The following KRT8 variants were observed in gnomAD, a reference collection of about 807,000 sequenced individuals.
KRT8 encodes the protein keratin, type II cytoskeletal 8.
KRT8 carries 24 observed loss-of-function variants against 43.0 expected under a neutral mutation model. The ratio of observed to expected loss-of-function variants is 0.56; its 90% CI spans 0.40 to 0.78. KRT8 has a LOEUF of 0.78. Ranked by LOEUF, KRT8 falls within the 30% of genes least tolerant of loss-of-function variation. The pLI is 0.00. For synonymous variants in KRT8, 214 were observed against 261.2 expected (o/e 0.82, Z 1.74); for missense variants, 492 against 638.4 (o/e 0.77, Z 2.47).
chr12:52,898,797 G>A (rs749061470), exon 6 of KRT8: 23 of 1,614,094 alleles, frequency 1.4e-5, no homozygotes, highest in Middle Eastern at 3.3e-4. Context: ...TGCTTGGCCC[G>A]CTGCAGGGCG....
At chr12:52,904,619 G>A (rs1941464610) in intron 1 of KRT8, 39 bp downstream of exon 1, 1 of 1,576,932 alleles carries the variant, frequency 6.3e-7, no homozygotes, top group Non-Finnish European at 8.7e-7. Context: ...AGGAGAAAGG[G>A]GCTGCGGGCA....
At chr12:52,903,848 C>T (rs1941438255) in intron 1 of KRT8, among the ~76,000 whole-genome samples, 1 of 130,090 alleles carries the variant, frequency 7.7e-6, no homozygotes, top group South Asian at 2.5e-4. Context: ...GCCTCCTCCA[C>T]CCCACCCCAG....
intron 7 of KRT8, among the ~76,000 whole-genome samples, chr12:52,898,061 G>A (rs1230944506): frequency 6.6e-6 from 1 of 152,184 alleles, no homozygotes; most frequent in East Asian, 1.9e-4. Context: ...CTACTTGGGA[G>A]GCCTGAGGCA....
At chr12:52,899,259 G>A (rs1423434864) in intron 5 of KRT8, among the ~76,000 whole-genome samples, 2 of 152,126 alleles carry the variant, frequency 1.3e-5, no homozygotes, top group East Asian at 3.9e-4. Flanking sequence ...AGCTTGCAGT[G>A]AGCCGAGATC....
chr12:52,916,140 G>C (rs1941735865), intron 2 of KRT8, among the ~76,000 whole-genome samples: 1 of 152,168 alleles, frequency 6.6e-6, no homozygotes, highest in Non-Finnish European at 1.5e-5. Context: ...AGGCCAGACA[G>C]AGCTTTTTCT....
At chr12:52,916,615 G>T (rs562249409) in intron 2 of KRT8, among the ~76,000 whole-genome samples, 18 of 152,294 alleles carry the variant, frequency 1.2e-4, no homozygotes, top group African/African-American at 4.1e-4. Flanking sequence ...CAGAGTAGAT[G>T]CTCCAGAGTA....
rs780525358 is a variant in KRT8 at position 52,898,446 on chromosome 12, C to A, written c.1261+15G>T. 3.1e-6 allele frequency: 5 copies of A among 1,611,754 alleles called. No homozygotes were observed. The highest frequency in any genetic ancestry group is 4.2e-6 in the Non-Finnish European group (5 of 1,179,092). On this transcript the variant is annotated intron_variant, in intron 7 of 7. Coordinates refer to ENST00000692008, the Ensembl canonical transcript of KRT8. Reference sequence around the variant, plus strand: ...CCTGCCTCCCGCCCTCATCCCAGGGCCCTGGGACACCCACCTGCATAGCCG... The same window carrying A: ...CCTGCCTCCCGCCCTCATCCCAGGGACCTGGGACACCCACCTGCATAGCCG...
chr12:52,899,212 G>A (rs1471443719), intron 5 of KRT8, among the ~76,000 whole-genome samples: 2 of 152,182 alleles, frequency 1.3e-5, no homozygotes, highest in Admixed American at 6.5e-5. Flanking sequence ...CTACTCAGGA[G>A]GCTGAGTCAG....
intron 2 of KRT8, among the ~76,000 whole-genome samples, chr12:52,916,543 C>G (rs1208745989): frequency 6.6e-6 from 1 of 152,214 alleles, no homozygotes; most frequent in East Asian, 1.9e-4. Context: ...AGAGCAGGTT[C>G]CTCCAGCGTC....
chr12:52,931,442 C>T (rs1942081967), intron 2 of KRT8, among the ~76,000 whole-genome samples: 2 of 152,100 alleles, frequency 1.3e-5, no homozygotes, highest in Admixed American at 1.3e-4. Flanking sequence ...AGAGATCCAG[C>T]CCCAATCCCA....
intron 2 of KRT8, among the ~76,000 whole-genome samples, chr12:52,915,772 G>A (rs1235264253): frequency 6.6e-6 from 1 of 151,984 alleles, no homozygotes; most frequent in Non-Finnish European, 1.5e-5. Flanking sequence ...AGAAACAACA[G>A]ATGTTCACTA....
At chr12:52,898,896 C>A (rs549557181) in exon 6 of KRT8, 2 of 1,613,320 alleles carry the variant, frequency 1.2e-6, no homozygotes, top group African/African-American at 2.7e-5. Flanking sequence ...TCCAGGGAAG[C>A]CCTCTGTGGG....
exon 7 of KRT8, chr12:52,898,469 C>T: frequency 6.2e-7 from 1 of 1,613,702 alleles, no homozygotes; most frequent in Non-Finnish European, 8.5e-7. Flanking sequence ...ACCTGCATAG[C>T]CGCTGGTGGT....
chr12:52,938,171 T>TA (rs1350561374), intron 2 of KRT8, among the ~76,000 whole-genome samples: 311 of 29,616 alleles, frequency 0.011, 1 homozygote, highest in African/African-American at 0.024. Context: ...TATATATATA[T>TA]TTTTTTTTTT....
chr12:52,906,726 C>T (rs568405628), upstream of KRT8: 1 of 455,768 alleles, frequency 2.2e-6, no homozygotes, highest in Admixed American at 2.4e-5. Flanking sequence ...CTCAGAGGAC[C>T]AACAGATGAC....
At chr12:52,938,784 A>AT (rs1423491947) in intron 2 of KRT8, among the ~76,000 whole-genome samples, 2 of 152,080 alleles carry the variant, frequency 1.3e-5, no homozygotes, top group East Asian at 1.9e-4. Context: ...GTCCCGGTTA[A>AT]TTTTTTGTGT....
At chr12:52,918,180 G>GGAAGAGGAAGAAGAAGAAGAAGAA (rs1555188331) in intron 2 of KRT8, among the ~76,000 whole-genome samples, 6 of 73,718 alleles carry the variant, frequency 8.1e-5, no homozygotes, top group African/African-American at 3.0e-4. Context: ...AAGAGGAAGA[G>GGAAGAGGAAGAAGAAGAAGAAGAA]GAAGAAGAAG....
intron 1 of KRT8, among the ~76,000 whole-genome samples, chr12:52,903,303 G>A (rs1220578543): frequency 3.9e-5 from 6 of 152,216 alleles, no homozygotes; most frequent in Non-Finnish European, 8.8e-5. Context: ...GACTTGGCAA[G>A]GGAGTCCATA....
At chr12:52,903,931 C>G (rs1330150173) in intron 1 of KRT8, among the ~76,000 whole-genome samples, 1 of 146,918 alleles carries the variant, frequency 6.8e-6, no homozygotes, top group South Asian at 2.2e-4. Context: ...GAGAGCGTCC[C>G]GAGACTGCTG....
Sources: gnomAD v4.1 joint callset for allele counts (sites outside exome capture counted in the v4.1 genomes callset) on GRCh38, gnomAD v4.1.1 for gene constraint, MANE v1.5 for transcripts, NCBI Gene and HGNC (gene_info 2026-07-23, HGNC 2026-07-21) for gene names.